The following SPON1 variants were observed in gnomAD, a reference collection of about 807,000 sequenced individuals.
SPON1 encodes spondin 1.
A neutral mutation model predicts 111.7 loss-of-function variants in SPON1; 52 were observed. The observed-to-expected ratio is 0.47, with a 90% CI of 0.37 to 0.59. SPON1 has a LOEUF of 0.59. Among genes scored for constraint, SPON1 ranks in the 20% least tolerant of loss-of-function variants. The pLI is 0.00. For missense variants in SPON1, 957 were observed against 1,068.5 expected, an observed-to-expected ratio of 0.90 and a Z score of 1.46; for synonymous variants, 410 against 395.8, an observed-to-expected ratio of 1.04 and a Z score of -0.43.
At chr11:14,082,712 G>T (rs566372746) in intron 5 of SPON1, among the ~76,000 whole-genome samples, 1 of 152,282 alleles carries the variant, frequency 6.6e-6, no homozygotes, top group African/African-American at 2.4e-5. Flanking sequence ...ATCTAATCGG[G>T]ATCTTGAAAA....
intron 7 of SPON1, among the ~76,000 whole-genome samples, chr11:14,253,270 A>G (rs1270059334): frequency 6.6e-6 from 1 of 152,216 alleles, no homozygotes; most frequent in African/African-American, 2.4e-5. Flanking sequence ...TCTGATCTCC[A>G]TACGATCCTA....
rs1554941654 is a variant in SPON1, at chr11:14,259,423, G to A, written c.1636G>A (p.Glu546Lys). Residue 546 changes from glutamate to lysine, a missense_variant, in exon 12 of 16, where the codon GAG (glutamate) becomes AAG (lysine). Around this residue, in one of 5 missense-constraint regions of SPON1, gnomAD observed 549 missense variants for 606.2 expected, o/e 0.91. Transcript: ENST00000576479. The surrounding 1 kb of genome is among the most constrained non-coding windows in gnomAD (Gnocchi z 5.0). ...GTGCACGCTGCCCACTGAGGAAACG[G>A]AGAAGTGCACGGTCAACGAGGAGTG... ...SVCTLPTEET[E>K]KCTVNEECSP... 1.2e-6 allele frequency: 2 copies of A among 1,610,714 alleles called. No individual in the cohort carries two copies.
At chr11:14,019,662 A>C (rs1848467078) in intron 2 of SPON1, among the ~76,000 whole-genome samples, 1 of 152,100 alleles carries the variant, frequency 6.6e-6, no homozygotes, top group South Asian at 2.1e-4. Context: ...TTTAGCAAGG[A>C]GTTTGGAGAT....
chr11:14,128,803 G>T (rs1387550527), intron 5 of SPON1, among the ~76,000 whole-genome samples: 2 of 152,196 alleles, frequency 1.3e-5, no homozygotes, highest in Admixed American at 6.5e-5. Context: ...TGAAATCTAG[G>T]CAGAGGTCCC....
intron 3 of SPON1, among the ~76,000 whole-genome samples, chr11:14,044,970 T>C (rs1249774166): frequency 1.3e-5 from 2 of 152,242 alleles, no homozygotes; most frequent in African/African-American, 2.4e-5. Context: ...GGTGTCTTAC[T>C]ATGACAAATA....
intron 6 of SPON1, among the ~76,000 whole-genome samples, chr11:14,156,452 C>T (rs1847847588): frequency 6.9e-6 from 1 of 145,308 alleles, no homozygotes; most frequent in African/African-American, 2.5e-5. Context: ...GTTGCCTGTT[C>T]ACTCTGATGG....
intron 3 of SPON1, among the ~76,000 whole-genome samples, chr11:14,071,030 T>C (rs1848871726): frequency 6.6e-6 from 1 of 152,152 alleles, no homozygotes; most frequent in Non-Finnish European, 1.5e-5. Flanking sequence ...AGTATATAAA[T>C]GCTATGCAAC....
intron 5 of SPON1, among the ~76,000 whole-genome samples, chr11:14,111,984 G>A (rs984068659): frequency 6.6e-6 from 1 of 151,720 alleles, no homozygotes; most frequent in Non-Finnish European, 1.5e-5. Context: ...CACTTGGAAA[G>A]AACCTCATAC....
chr11:14,160,289 A>G (rs77760061), intron 6 of SPON1, among the ~76,000 whole-genome samples: 11,289 of 110,360 alleles, frequency 0.1, 586 homozygotes, highest in East Asian at 0.28. Context: ...AAAAAAGTTG[A>G]AAATATCACT....
chr11:14,068,920 C>A (rs539465306), intron 3 of SPON1, among the ~76,000 whole-genome samples: 4 of 152,088 alleles, frequency 2.6e-5, no homozygotes, highest in Non-Finnish European at 5.9e-5. Context: ...ATTTGGTACC[C>A]AGACTCAAGC....
At chr11:14,226,514 A>G (rs1231824727) in intron 6 of SPON1, among the ~76,000 whole-genome samples, 1 of 152,248 alleles carries the variant, frequency 6.6e-6, no homozygotes, top group African/African-American at 2.4e-5. Context: ...AGAGTATCAT[A>G]TCACAAATTG....
intron 2 of SPON1, among the ~76,000 whole-genome samples, chr11:13,987,765 C>A (rs1554910615): frequency 6.6e-6 from 1 of 152,162 alleles, no homozygotes; most frequent in Non-Finnish European, 1.5e-5. Context: ...CAGTTTTCTG[C>A]ATATGGCTAG....
At chr11:14,024,695 TG>T (rs781904308) in intron 2 of SPON1, among the ~76,000 whole-genome samples, 1 of 152,184 alleles carries the variant, frequency 6.6e-6, no homozygotes, top group Non-Finnish European at 1.5e-5. Flanking sequence ...ATGCAACATT[TG>T]GGCACAAAAA....
chr11:14,085,088 G>C (rs1329024229), intron 5 of SPON1, among the ~76,000 whole-genome samples: 1 of 152,146 alleles, frequency 6.6e-6, no homozygotes, highest in Non-Finnish European at 1.5e-5. Context: ...CTCCCACTCT[G>C]TAGGTTGCCT....
intron 5 of SPON1, among the ~76,000 whole-genome samples, chr11:14,129,024 A>G (rs1847496519): frequency 6.6e-6 from 1 of 151,982 alleles, no homozygotes; most frequent in Non-Finnish European, 1.5e-5. Flanking sequence ...CCAGAAAACC[A>G]TTTTCCCTCC....
chr11:14,203,888 TAC>T (rs1848488865), intron 6 of SPON1, among the ~76,000 whole-genome samples: 2 of 152,332 alleles, frequency 1.3e-5, no homozygotes, highest in South Asian at 4.1e-4. Flanking sequence ...GACATTAACA[TAC>T]AGAACTTGTC....
intron 6 of SPON1, among the ~76,000 whole-genome samples, chr11:14,177,840 G>A (rs888150612): frequency 1.2e-4 from 19 of 152,312 alleles, no homozygotes; most frequent in African/African-American, 4.3e-4. Context: ...AAGGTTAGAA[G>A]CAAGATGGAG....
chr11:14,000,714 T>C lies in SPON1; in HGVS notation c.345+17761T>C, dbSNP rs76302448. 5.2e-3 allele frequency among the ~76,000 whole-genome samples: 784 copies of C among 151,956 alleles called. 9 individuals are homozygous for C. Among genetic ancestry groups the C allele is most frequent in the African/African-American group, 0.018 (724 of 41,314 alleles). On this transcript the variant is annotated intron_variant, in intron 2 of 15. Transcript: ENST00000576479. The stretch of plus-strand genomic sequence containing the variant: ...TTCTTCACATGGACCAATATGAAGA[T>C]ACATGTGCATCACATGCACAGCCAC...
intron 2 of SPON1, among the ~76,000 whole-genome samples, chr11:14,037,753 A>G (rs1165772852): frequency 6.6e-6 from 1 of 152,224 alleles, no homozygotes; most frequent in Non-Finnish European, 1.5e-5. Context: ...AAAATTTAAA[A>G]CTTTTGCTGT....
Sources: allele counts gnomAD v4.1 joint callset (sites outside exome capture counted in the v4.1 genomes callset), GRCh38; gene constraint gnomAD v4.1.1; regional missense constraint gnomAD v4.1.1; non-coding constraint Gnocchi (gnomAD v3.1); transcripts MANE v1.5; gene names NCBI Gene and HGNC (gene_info 2026-07-23, HGNC 2026-07-21).